Variants in CTBP2 observed in about 807,000 individuals in gnomAD.
CTBP2 encodes the protein C-terminal binding protein 2, also known as C-terminal-binding protein 2.
A neutral mutation model predicts 80.3 loss-of-function variants in CTBP2; 30 were observed. The ratio of observed to expected loss-of-function variants is 0.37; its 90% CI spans 0.28 to 0.51. The LOEUF (loss-of-function observed/expected upper bound fraction) is 0.51. CTBP2 is among the 20% of genes least tolerant of loss of function. The probability of loss-of-function intolerance (pLI) is 0.93; values close to 1 mark genes in which losing one functional copy is unlikely to be tolerated. For missense variants in CTBP2, 1,212 were observed against 1,375.3 expected, an observed-to-expected ratio of 0.88 and a Z score of 1.88; for synonymous variants, 594 against 587.4, an observed-to-expected ratio of 1.01 and a Z score of -0.16.
intron 1 of CTBP2, among the ~76,000 whole-genome samples, chr10:125,131,508 G>C (rs1399364641): frequency 1.3e-5 from 2 of 152,194 alleles, no homozygotes; most frequent in Admixed American, 6.5e-5. Context: ...CATTTAGGCT[G>C]GTGAATGGGA....
chr10:125,107,600 T>C (rs1851656354), intron 2 of CTBP2, among the ~76,000 whole-genome samples: 2 of 152,234 alleles, frequency 1.3e-5, no homozygotes, highest in Non-Finnish European at 2.9e-5. Context: ...ATCAGGAAGA[T>C]GACCTCAACT....
At chr10:125,049,640 C>A (rs1962234173) in intron 2 of CTBP2, among the ~76,000 whole-genome samples, 1 of 152,158 alleles carries the variant, frequency 6.6e-6, no homozygotes, top group African/African-American at 2.4e-5. Context: ...AGGTGGAGAC[C>A]CGCAGGCATG....
intron 1 of CTBP2, among the ~76,000 whole-genome samples, chr10:125,152,702 C>CT (rs1159574045): frequency 1.3e-5 from 2 of 152,106 alleles, no homozygotes; most frequent in Non-Finnish European, 2.9e-5. Context: ...GATTGCCCTC[C>CT]TAGTGTGACT....
rs1589915705 is a variant in CTBP2 at position 124,993,963 on chromosome 10, A to G, written c.2423T>C (p.Val808Ala). 1 of 1,614,160 alleles carries G rather than the reference A, an allele frequency of 6.2e-7. No homozygotes were observed. The highest frequency in any genetic ancestry group is 8.5e-7 in the Non-Finnish European group (1 of 1,180,040). ...CACCAGGCCGCCACGGGCTGCGTTCACAAGGAATGCTCCCTGCCTCATCTG... is the reference window on the plus strand; with the variant it reads ...CACCAGGCCGCCACGGGCTGCGTTCGCAAGGAATGCTCCCTGCCTCATCTG... The change falls in exon 6 of 9, where the codon GTG (valine) becomes GCG (alanine). Residue 808 changes from valine to alanine, a missense_variant. Physicochemically the swap from Val to Ala is moderately conservative, Grantham distance 64 (BLOSUM62 0). Transcript: ENST00000309035.
intron 1 of CTBP2, among the ~76,000 whole-genome samples, chr10:125,157,422 G>A (rs1056366349): frequency 6.6e-6 from 1 of 151,194 alleles, no homozygotes; most frequent in Non-Finnish European, 1.5e-5. Flanking sequence ...GGGGGGAGTC[G>A]GTATTCTTTA....
At chr10:125,061,346 T>C (rs1964929572) in intron 2 of CTBP2, among the ~76,000 whole-genome samples, 1 of 152,118 alleles carries the variant, frequency 6.6e-6, no homozygotes, top group Non-Finnish European at 1.5e-5. Context: ...TCGCTGGGCA[T>C]CCGGGGCGAC....
Position 125,013,704 on chromosome 10 carries a change from C to G in CTBP2, c.1679-10212G>C, listed in dbSNP as rs534673966. Among the ~76,000 whole-genome samples, 745 of 152,254 alleles carry G rather than the reference C, an allele frequency of 4.9e-3. 6 individuals carry two copies. The highest frequency in any genetic ancestry group is 0.017 in the African/African-American group (714 of 41,534). On this transcript the variant is annotated intron_variant, in intron 1 of 8. Coordinates refer to ENST00000309035, the MANE Select transcript of CTBP2 (RefSeq NM_022802.3). ...GTAACGGAGGCGGGGGGAACTTGCCCGGGGTCACACAGCAAGTAAGTGATG... is the reference window on the plus strand; with the variant it reads ...GTAACGGAGGCGGGGGGAACTTGCCGGGGGTCACACAGCAAGTAAGTGATG...
chr10:124,990,344 T>C (rs1305379308), intron 8 of CTBP2, among the ~76,000 whole-genome samples: 1 of 152,152 alleles, frequency 6.6e-6, no homozygotes, highest in Non-Finnish European at 1.5e-5. Context: ...TGCCCGGCCC[T>C]GGCTAACGAT....
At chr10:125,086,212 C>A (rs1163067560) in intron 2 of CTBP2, among the ~76,000 whole-genome samples, 6 of 152,108 alleles carry the variant, frequency 3.9e-5, no homozygotes, top group African/African-American at 1.2e-4. Flanking sequence ...GTGGAGCACT[C>A]ATGAACGGGA....
chr10:125,028,174 C>G (rs1356894695), upstream of CTBP2: 1 of 167,194 alleles, frequency 6.0e-6, no homozygotes, highest in Admixed American at 5.6e-5. Context: ...CGGTGGCTTG[C>G]TCTATCCAGC....
chr10:125,018,312 G>T (rs1956701394), intron 1 of CTBP2, among the ~76,000 whole-genome samples: 1 of 152,182 alleles, frequency 6.6e-6, no homozygotes, highest in Non-Finnish European at 1.5e-5. Context: ...ATCACCTGAG[G>T]TCAGGAGTTT....
chr10:125,060,883 G>A (rs1212860293), intron 2 of CTBP2, among the ~76,000 whole-genome samples: 1 of 152,204 alleles, frequency 6.6e-6, no homozygotes, highest in African/African-American at 2.4e-5. Context: ...GCGGGGGCTG[G>A]TGTGCTAAGG....
Position 125,100,663 on chromosome 10 carries a change from G to C in CTBP2, c.-102+10327C>G, listed in dbSNP as rs539588118. 3 of 152,336 alleles carry C rather than the reference G, an allele frequency of 2.0e-5. No individual in the cohort carries two copies. The South Asian group carries it at 6.2e-4, about 32-fold the overall frequency. 9.4% of individuals were successfully genotyped at this position (152,336 alleles called of 1,614,324 possible). A position where few individuals can be genotyped will look rare whatever the true frequency, so the allele number is the denominator to read the frequency against. ...TTTACAGGAAGGAAGGGCTGGAGGA[G>C]ATAAGGATGAGAGGAAAAACGCGAA... On this transcript the variant is annotated intron_variant, in intron 2 of 10. Coordinates refer to the CTBP2 transcript ENST00000337195.
chr10:125,012,275 G>A, intron 1 of CTBP2, among the ~76,000 whole-genome samples: 1 of 152,310 alleles, frequency 6.6e-6, no homozygotes, highest in South Asian at 2.1e-4. Flanking sequence ...CAAGCCTGAG[G>A]AGCAAGGAAT....
intron 8 of CTBP2, among the ~76,000 whole-genome samples, chr10:124,992,245 C>CG (rs1158726550): frequency 1.3e-4 from 12 of 93,074 alleles, no homozygotes; most frequent in Non-Finnish European, 2.1e-5. Flanking sequence ...GGGGTGGGGT[C>CG]GGGGGGTAGC....
intron 1 of CTBP2, among the ~76,000 whole-genome samples, chr10:125,012,783 T>C (rs932538369): frequency 6.6e-6 from 1 of 152,150 alleles, no homozygotes; most frequent in Non-Finnish European, 1.5e-5. Context: ...TTTCACCAAG[T>C]TGGCCAAGCA....
intron 2 of CTBP2, among the ~76,000 whole-genome samples, chr10:125,056,472 C>T (rs1324482703): frequency 6.6e-6 from 1 of 152,206 alleles, no homozygotes. Context: ...CCCTCCACCC[C>T]AGATGCCTTC....
rs115731809 is a variant in CTBP2 at position 124,985,110 on chromosome 10, C to T, written c.*4408G>A. 2.1e-3 allele frequency: 1,637 copies of T among 775,116 alleles called. 26 individuals are homozygous for T. In the African/African-American group the frequency reaches 0.025, roughly 12 times the overall value. The allele number at this position is 775,116 out of a possible 1,614,324, so 48.0% of individuals were successfully genotyped here. ...TGAACCAAATCTGGCAGGATCTGCT[C>T]GGGGAAGTGTTTTCCTGGACCACAC... On this transcript the variant is annotated 3_prime_UTR_variant, in exon 9 of 9. Transcript: ENST00000309035.
chr10:125,091,973 C>T (rs1285173049), intron 2 of CTBP2, among the ~76,000 whole-genome samples: 1 of 152,106 alleles, frequency 6.6e-6, no homozygotes, highest in African/African-American at 2.4e-5. Context: ...CATTTTAAGA[C>T]AAGCATTCTA....
Sources: allele counts gnomAD v4.1 joint callset (sites outside exome capture counted in the v4.1 genomes callset), GRCh38; gene constraint gnomAD v4.1.1; transcripts MANE v1.5; gene names NCBI Gene and HGNC (gene_info 2026-07-23, HGNC 2026-07-21).